Variants in HIVEP2 observed in about 807,000 individuals in gnomAD.
HIVEP2 encodes HIVEP zinc finger 2.
In HIVEP2, 14 loss-of-function variants were observed where a neutral mutation model predicts 180.7. The ratio of observed to expected loss-of-function variants is 0.08; its 90% confidence interval spans 0.05 to 0.12. The LOEUF (loss-of-function observed/expected upper bound fraction) is 0.12, where lower values mean the gene tolerates loss of function less well. HIVEP2 is among the 10% of genes least tolerant of loss of function. The pLI is 1.00. For missense variants in HIVEP2, 2,579 were observed against 3,008.5 expected (o/e 0.86, Z 3.34); for synonymous variants, 1,184 against 1,136.4 (o/e 1.04, Z -0.84).
intron 2 of HIVEP2, among the ~76,000 whole-genome samples, chr6:142,827,044 GGTTTAGGAGC>G (rs1377219566): frequency 1.3e-5 from 2 of 151,848 alleles, no homozygotes; most frequent in Non-Finnish European, 2.9e-5. Flanking sequence ...GCCTTTGTGG[GGTTTAGGAGC>G]AATTGCTTCT....
chr6:142,774,468 G>C lies in HIVEP2; in HGVS notation c.271C>G (p.Pro91Ala). The C allele has an allele frequency of 6.2e-7, 1 of 1,614,162 alleles. No individual in the cohort carries two copies. Among genetic ancestry groups the C allele is most frequent in the Non-Finnish European group, 8.5e-7 (1 of 1,180,036 alleles). The stretch of plus-strand genomic sequence containing the variant: ...GAGAGTGAGTGTTGGCATGAGTAAG[G>C]ACTCGGACGATGCGGTGGATATTGC... ...EKQYPPHRPS[P>A]YSCQHSLSFP... The change falls in exon 5 of 10, where the codon CCT becomes GCT. Residue 91 changes from proline to alanine, a missense_variant. Physicochemically the swap from Pro to Ala is conservative, Grantham distance 27. Transcript: ENST00000367603. The surrounding 1 kb of genome is among the most constrained non-coding windows in gnomAD (Gnocchi z 5.1).
chr6:142,893,322 C>T (rs966455093), intron 1 of HIVEP2, among the ~76,000 whole-genome samples: 1 of 152,180 alleles, frequency 6.6e-6, no homozygotes, highest in Non-Finnish European at 1.5e-5. Flanking sequence ...CACGAAGAAA[C>T]CCCACAGTAA....
chr6:142,913,372 T>C (rs1777465514), intron 1 of HIVEP2, among the ~76,000 whole-genome samples: 1 of 152,166 alleles, frequency 6.6e-6, no homozygotes, highest in Admixed American at 6.5e-5. Flanking sequence ...ATAAACCAGT[T>C]TGAGGGGGAA....
Position 142,772,192 on chromosome 6 carries a change from C to T in HIVEP2, c.2547G>A (p.Glu849=). The change falls in exon 5 of 10, where the codon GAG becomes GAA. Residue 849 remains glutamate, a synonymous_variant. Coordinates refer to ENST00000367603, the MANE Select transcript of HIVEP2 (RefSeq NM_006734.4). This position sits in a 1 kb window ranked among gnomAD's most constrained non-coding sequence, Gnocchi z 4.9. ...SEISEAPVSP[E]WAPPGDGAES... ...CTGCACCATCCCCAGGTGGAGCCCA[C>T]TCAGGACTCACTGGGGCTTCTGAAA... is the stretch of plus-strand genomic sequence containing the variant. 6.2e-7 allele frequency: 1 copy of T among 1,614,208 alleles called. No homozygotes were observed. The highest frequency in any genetic ancestry group is 1.3e-5 in the African/African-American group (1 of 75,056).
At chr6:142,790,716 A>G (rs1283748609) in intron 2 of HIVEP2, among the ~76,000 whole-genome samples, 1 of 152,236 alleles carries the variant, frequency 6.6e-6, no homozygotes, top group Non-Finnish European at 1.5e-5. Context: ...AACAAAGAGA[A>G]CAGAGAAATC....
intron 2 of HIVEP2, among the ~76,000 whole-genome samples, chr6:142,819,038 G>C (rs715399): frequency 0.71 from 95,179 of 134,588 alleles, 36,030 homozygotes; most frequent in Non-Finnish European, 0.85. Context: ...GGGAAGAAGG[G>C]AGAGAGGGAG....
rs949143984 is a variant in HIVEP2 at position 142,771,495 on chromosome 6, G to A, written c.3244C>T (p.Arg1082Trp). Residue 1082 changes from arginine (R) to tryptophan (W), a missense_variant, in exon 5 of 10, where the codon CGG becomes TGG. Transcript: ENST00000367603. The surrounding 1 kb of genome is among the most constrained non-coding windows in gnomAD (Gnocchi z 5.4). ...SRERKKCFLV[R>W]QASFSGSPEI... ...GGGGAGCCACTGAAGGAAGCTTGCC[G>A]CACCAGAAAGCATTTCTTCCTCTCC... is the stretch of plus-strand genomic sequence containing the variant. 15 of 1,613,488 alleles carry A rather than the reference G, an allele frequency of 9.3e-6. No homozygotes were observed. The highest frequency in any genetic ancestry group is 1.7e-5 in the Admixed American group (1 of 60,008).
At chr6:142,783,326 C>CAAAAAAAAAAAAAAAA (rs567202980) in intron 3 of HIVEP2, among the ~76,000 whole-genome samples, 195 bp downstream of exon 3, 3 of 71,048 alleles carry the variant, frequency 4.2e-5, no homozygotes, top group African/African-American at 1.7e-4. Flanking sequence ...GACTCCGTCA[C>CAAAAAAAAAAAAAAAA]AAAAAAAAAA....
At chr6:142,851,159 A>T (rs977674958) in intron 1 of HIVEP2, among the ~76,000 whole-genome samples, 1 of 152,232 alleles carries the variant, frequency 6.6e-6, no homozygotes, top group African/African-American at 2.4e-5. Context: ...AGGAAAAGCA[A>T]CAACAAGAGG....
In HIVEP2 at chr6:142,773,179, T is replaced by C; in HGVS notation, c.1560A>G (p.Pro520=). ...SSIRNEGKLY[P]ANFQGSNPVL... ...CCGGGTTGCTGCCTTGGAAGTTTGC[T>C]GGATAAAGTTTTCCTTCGTTCCTGA... Residue 520 remains proline (P), a synonymous_variant, in exon 5 of 10, where the codon CCA becomes CCG. Coordinates refer to ENST00000367603, the MANE Select transcript of HIVEP2 (RefSeq NM_006734.4). 2.5e-6 allele frequency: 4 copies of C among 1,614,246 alleles called. No homozygotes were observed. The highest frequency in any genetic ancestry group is 3.4e-6 in the Non-Finnish European group (4 of 1,180,042).
chr6:142,910,740 C>A (rs918966824), intron 1 of HIVEP2, among the ~76,000 whole-genome samples: 9 of 152,212 alleles, frequency 5.9e-5, no homozygotes, highest in Non-Finnish European at 1.2e-4. Context: ...AATATATAAA[C>A]CACTGTTTCT....
rs1369953335 is a variant in HIVEP2 at position 142,837,841 on chromosome 6, G to A, written c.-640-794C>T. ...AGCAGAAGAGTGAAATAGAAAATTGGACAGTTTCTAGCTACTCCCAAATTA... is the reference window on the plus strand; with the variant it reads ...AGCAGAAGAGTGAAATAGAAAATTGAACAGTTTCTAGCTACTCCCAAATTA... On this transcript the variant is annotated intron_variant, in intron 1 of 9. Transcript: ENST00000367603. 1.3e-4 allele frequency among the ~76,000 whole-genome samples: 19 copies of A among 151,976 alleles called. 1 individual carries two copies. The highest frequency in any genetic ancestry group is 1.2e-3 in the Admixed American group (19 of 15,246).
chr6:142,808,355 G>A (rs1391744539), intron 2 of HIVEP2, among the ~76,000 whole-genome samples: 2 of 151,936 alleles, frequency 1.3e-5, no homozygotes, highest in Non-Finnish European at 1.5e-5. Context: ...ATGAAGGAAG[G>A]GACGGATGGA....
chr6:142,937,493 A>G lies in HIVEP2; in HGVS notation c.-641+7606T>C, dbSNP rs529544749. Among the ~76,000 whole-genome samples the G allele has an allele frequency of 2.6e-5, 4 of 152,158 alleles. No homozygotes were observed. In the South Asian group the frequency reaches 8.3e-4, roughly 32 times the overall value. ...TGTAACCTCAGGGAGGTTAAGTAAC[A>G]TACCCAAATTCCCCCAGGTGGTGGT... is the stretch of plus-strand genomic sequence containing the variant. On this transcript the variant is annotated intron_variant, in intron 1 of 9. Coordinates refer to ENST00000367603, the MANE Select transcript of HIVEP2 (RefSeq NM_006734.4).
intron 2 of HIVEP2, among the ~76,000 whole-genome samples, chr6:142,799,570 G>T (rs139330216): frequency 6.6e-6 from 1 of 152,094 alleles, no homozygotes; most frequent in Non-Finnish European, 1.5e-5. Context: ...CTAAAAATTA[G>T]TAAATTTCTG....
At chr6:142,897,678 G>A (rs1415382996) in intron 1 of HIVEP2, among the ~76,000 whole-genome samples, 1 of 152,148 alleles carries the variant, frequency 6.6e-6, no homozygotes, top group Non-Finnish European at 1.5e-5. Context: ...AGTTACAGCA[G>A]TTACCCTTGG....
At chr6:142,890,583 C>T (rs920220625) in intron 1 of HIVEP2, among the ~76,000 whole-genome samples, 1 of 152,176 alleles carries the variant, frequency 6.6e-6, no homozygotes, top group African/African-American at 2.4e-5. Context: ...AAAGAGCTTG[C>T]TTCAAATCTC....
intron 8 of HIVEP2, 119 bp from the exon 9 acceptor site, chr6:142,760,786 T>C (rs897682671): frequency 1.4e-6 from 1 of 703,084 alleles, no homozygotes; most frequent in Non-Finnish European, 2.3e-6. Context: ...CAGATAGTTA[T>C]GTCTGAGAAC....
chr6:142,904,314 G>C (rs1437155724), intron 1 of HIVEP2, among the ~76,000 whole-genome samples: 2 of 152,058 alleles, frequency 1.3e-5, no homozygotes, highest in African/African-American at 4.8e-5. Context: ...ATCATTTCCG[G>C]AAAAATTAGT....
Sources: allele counts gnomAD v4.1 joint callset (sites outside exome capture counted in the v4.1 genomes callset), GRCh38; gene constraint gnomAD v4.1.1; non-coding constraint Gnocchi (gnomAD v3.1); transcripts MANE v1.5; gene names NCBI Gene and HGNC (gene_info 2026-07-23, HGNC 2026-07-21).